PDE1A: variants seen among roughly 807,000 people sequenced by gnomAD.
PDE1A encodes the protein dual specificity calcium/calmodulin-dependent 3',5'-cyclic nucleotide phosphodiesterase 1A.
A neutral mutation model predicts 61.7 loss-of-function variants in PDE1A; 35 were observed. The observed-to-expected ratio is 0.57, with a 90% confidence interval of 0.43 to 0.75. The LOEUF is 0.75. Ranked by LOEUF, PDE1A falls within the 30% of genes least tolerant of loss-of-function variation. The pLI, the probability that PDE1A is intolerant of heterozygous loss-of-function variation, is 0.00. For synonymous variants in PDE1A, 232 were observed against 213.2 expected (o/e 1.09, Z -0.77); for missense variants, 597 against 630.6 (o/e 0.95, Z 0.57).
At chr2:182,343,226 G>A (rs184504904) in intron 1 of PDE1A, among the ~76,000 whole-genome samples, 1 of 152,272 alleles carries the variant, frequency 6.6e-6, no homozygotes, top group African/African-American at 2.4e-5. Flanking sequence ...CACAGTTCAA[G>A]GTTGTTTTGT....
At chr2:182,237,323 C>G (rs563127684) in intron 3 of PDE1A, among the ~76,000 whole-genome samples, 3 of 152,206 alleles carry the variant, frequency 2.0e-5, no homozygotes, top group Non-Finnish European at 4.4e-5. Flanking sequence ...GAAACCCTGT[C>G]TCTACTAAAA....
chr2:182,568,361 T>C, the PDE1A span, among the ~76,000 whole-genome samples: 1 of 152,208 alleles, frequency 6.6e-6, no homozygotes, highest in Non-Finnish European at 1.5e-5. Context: ...CTTCTATCCT[T>C]TTATAAAATG....
chr2:182,495,775 C>G (rs568375361), intron 2 of PDE1A, among the ~76,000 whole-genome samples: 124 of 152,258 alleles, frequency 8.1e-4, no homozygotes, highest in African/African-American at 2.9e-3. Flanking sequence ...CATCCAAATC[C>G]TACCCTTCAT....
intron 1 of PDE1A, among the ~76,000 whole-genome samples, chr2:182,367,469 G>GA (rs200402004): frequency 0.013 from 1,937 of 149,474 alleles, 25 homozygotes; most frequent in South Asian, 0.049. Context: ...TTAAACATTA[G>GA]AAAAAAAAAC....
chr2:182,365,504 C>G (rs758742714), intron 1 of PDE1A, among the ~76,000 whole-genome samples: 6 of 152,000 alleles, frequency 3.9e-5, no homozygotes, highest in Non-Finnish European at 7.4e-5. Flanking sequence ...GTCAACTTCT[C>G]AGTCACAAAA....
intron 2 of PDE1A, among the ~76,000 whole-genome samples, chr2:182,450,999 A>T (rs2368252): frequency 0.66 from 100,065 of 151,858 alleles, 33,225 homozygotes; most frequent in East Asian, 0.92. Context: ...CCATTGAAGT[A>T]AGTGAAAGTT....
the PDE1A span, among the ~76,000 whole-genome samples, chr2:182,709,452 T>C: frequency 3.5e-4 from 54 of 152,278 alleles, no homozygotes; most frequent in Admixed American, 3.1e-3. Flanking sequence ...TAGCTAGGCA[T>C]TGAAGGAAAG....
At chr2:182,433,913 C>T (rs1313312076) in intron 2 of PDE1A, among the ~76,000 whole-genome samples, 1 of 152,038 alleles carries the variant, frequency 6.6e-6, no homozygotes, top group Non-Finnish European at 1.5e-5. Flanking sequence ...CTGCTCATTG[C>T]TCAGATATCA....
rs528209139 is a variant in PDE1A, at chr2:182,513,515, T to C, written c.101+8761A>G. On this transcript the variant is annotated intron_variant, in intron 2 of 14. Coordinates refer to the PDE1A transcript ENST00000410103. ...AAAGTACACTTAAGTACATAGACCA[T>C]TGACACTATAAAGCTTGTACACAAT... 6.6e-5 allele frequency among the ~76,000 whole-genome samples: 10 copies of C among 152,332 alleles called. No homozygotes were observed. In the South Asian group the frequency reaches 1.0e-3, roughly 16 times the overall value.
chr2:182,227,862 A>G (rs1689261479), intron 6 of PDE1A, among the ~76,000 whole-genome samples: 1 of 152,142 alleles, frequency 6.6e-6, no homozygotes, highest in African/African-American at 2.4e-5. Flanking sequence ...AATGTTCTGT[A>G]GACTGATCAG....
At chr2:182,267,364 C>T (rs1692703162) in intron 1 of PDE1A, among the ~76,000 whole-genome samples, 1 of 151,426 alleles carries the variant, frequency 6.6e-6, no homozygotes, top group Admixed American at 6.6e-5. Context: ...GTTTTACCAC[C>T]CAATTAGAAA....
the PDE1A span, among the ~76,000 whole-genome samples, chr2:182,564,843 A>T: frequency 6.6e-6 from 1 of 152,086 alleles, no homozygotes; most frequent in Non-Finnish European, 1.5e-5. Context: ...AGTTGATCGC[A>T]TCGGCTCCTG....
chr2:182,324,856 G>C (rs981508027), intron 1 of PDE1A, among the ~76,000 whole-genome samples: 1 of 152,120 alleles, frequency 6.6e-6, no homozygotes, highest in Admixed American at 6.5e-5. Flanking sequence ...CTTCAGTCTT[G>C]AGCAATAAGT....
chr2:182,430,873 C>T (rs1423527723), upstream of PDE1A, among the ~76,000 whole-genome samples: 29 of 116,978 alleles, frequency 2.5e-4, no homozygotes, highest in African/African-American at 7.3e-4. Flanking sequence ...AACCAAACAC[C>T]GCATATTCTC....
intron 1 of PDE1A, chr2:182,314,386 C>G (rs1696193966): frequency 6.6e-6 from 1 of 152,114 alleles, no homozygotes; most frequent in Non-Finnish European, 1.5e-5. Context: ...ATAGGGTGAC[C>G]TCCTGGGAGT....
rs191432735 is a variant in PDE1A, at chr2:182,419,796, G to C, written c.53+6782C>G. ...ATGCCTTTTGTTTCGCACCTACTAC[G>C]TTCCCACCATATCCTACTTCACATA... On this transcript the variant is annotated intron_variant, in intron 1 of 13. Transcript: ENST00000351439. 9.9e-5 allele frequency among the ~76,000 whole-genome samples: 15 copies of C among 152,062 alleles called. No individual in the cohort carries two copies. The East Asian group carries it at 2.5e-3, about 25-fold the overall frequency.
chr2:182,571,243 T>C, the PDE1A span, among the ~76,000 whole-genome samples: 2 of 152,186 alleles, frequency 1.3e-5, no homozygotes, highest in African/African-American at 4.8e-5. Context: ...GATCATGTTT[T>C]TCATATGCTT....
At chr2:182,348,177 AT>A (rs1698635095) in intron 1 of PDE1A, among the ~76,000 whole-genome samples, 2 of 152,128 alleles carry the variant, frequency 1.3e-5, no homozygotes, top group African/African-American at 4.8e-5. Flanking sequence ...TAAATTAAGG[AT>A]TTGCTTTATG....
the PDE1A span, among the ~76,000 whole-genome samples, chr2:182,536,535 T>C: frequency 6.6e-6 from 1 of 152,204 alleles, no homozygotes; most frequent in Non-Finnish European, 1.5e-5. Flanking sequence ...ATAAAAGCTT[T>C]GCCTTTATAG....
Sources: allele counts gnomAD v4.1 joint callset (sites outside exome capture counted in the v4.1 genomes callset), GRCh38; gene constraint gnomAD v4.1.1; transcripts MANE v1.5; gene names NCBI Gene and HGNC (gene_info 2026-07-23, HGNC 2026-07-21).